The following RBFOX1 variants were observed in gnomAD, a reference collection of about 807,000 sequenced individuals.
RBFOX1 encodes RNA binding protein fox-1 homolog 1.
A neutral mutation model predicts 57.7 loss-of-function variants in RBFOX1; 8 were observed. The ratio of observed to expected loss-of-function variants is 0.14; its 90% CI spans 0.08 to 0.25. RBFOX1 has a LOEUF of 0.25. RBFOX1 is among the 10% of genes least tolerant of loss of function. RBFOX1 has a pLI of 1.00. For synonymous variants in RBFOX1, 326 were observed against 222.4 expected (o/e 1.47, Z -4.15); for missense variants, 611 against 548.5 (o/e 1.11, Z -1.14).
At chr16:7,635,449 TGTG>T (rs1280756395) in intron 11 of RBFOX1, among the ~76,000 whole-genome samples, 6 of 152,192 alleles carry the variant, frequency 3.9e-5, no homozygotes, top group Non-Finnish European at 8.8e-5. Context: ...ATTGTAATAA[TGTG>T]GGAATAATAT....
intron 2 of RBFOX1, among the ~76,000 whole-genome samples, chr16:5,551,234 C>T (rs1300587778): frequency 6.6e-6 from 1 of 152,200 alleles, no homozygotes. Flanking sequence ...CTTCCCCATC[C>T]TCCCAGGCTG....
intron 3 of RBFOX1, among the ~76,000 whole-genome samples, chr16:6,760,488 A>G (rs973745091): frequency 6.6e-6 from 1 of 152,250 alleles, no homozygotes; most frequent in African/African-American, 2.4e-5. Context: ...TACCAAGGAT[A>G]CCAGCAATCA....
chr16:7,125,424 G>A (rs2068255315), intron 4 of RBFOX1, among the ~76,000 whole-genome samples: 1 of 152,176 alleles, frequency 6.6e-6, no homozygotes, highest in African/African-American at 2.4e-5. Context: ...GTATCCACAA[G>A]AAGTCATGTT....
Position 6,633,766 on chromosome 16 carries a change from T to TG in RBFOX1, c.-63-20834dup, listed in dbSNP as rs574862531. Reference sequence around the variant, plus strand: ...GCTCATGCCTGTAATCCTTAGGCTTTGGGAGGCTGAGGCAGGAAGATCACT... The same window carrying TG: ...GCTCATGCCTGTAATCCTTAGGCTTTGGGGAGGCTGAGGCAGGAAGATCACT... On this transcript the variant is annotated intron_variant, in intron 2 of 15. Coordinates refer to ENST00000550418, the MANE Select transcript of RBFOX1 (RefSeq NM_018723.4). 2.6e-5 allele frequency among the ~76,000 whole-genome samples: 4 copies of TG among 152,230 alleles called. No homozygotes were observed. In the South Asian group the frequency reaches 8.3e-4, roughly 32 times the overall value.
chr16:7,057,547 C>T (rs747782466), intron 4 of RBFOX1, among the ~76,000 whole-genome samples: 1 of 152,182 alleles, frequency 6.6e-6, no homozygotes, highest in African/African-American at 2.4e-5. Flanking sequence ...ATCCTCGTTA[C>T]AAATTCCTGG....
intron 3 of RBFOX1, among the ~76,000 whole-genome samples, chr16:5,754,281 G>A (rs1242208302): frequency 6.6e-6 from 1 of 152,272 alleles, no homozygotes; most frequent in Non-Finnish European, 1.5e-5. Flanking sequence ...GATTAATTGT[G>A]TTAATCTATG....
intron 10 of RBFOX1, among the ~76,000 whole-genome samples, chr16:7,627,697 C>T (rs1235714422): frequency 1.3e-5 from 2 of 152,102 alleles, no homozygotes; most frequent in African/African-American, 4.8e-5. Flanking sequence ...ACTTACCTTT[C>T]CCTGCCCAAA....
chr16:7,173,981 G>A (rs550505320), intron 4 of RBFOX1, among the ~76,000 whole-genome samples: 4 of 152,172 alleles, frequency 2.6e-5, no homozygotes, highest in African/African-American at 7.2e-5. Flanking sequence ...GGTCTTCCAA[G>A]AAAGAGTTCA....
chr16:6,912,611 G>A (rs888926870), intron 3 of RBFOX1, among the ~76,000 whole-genome samples: 1 of 124,072 alleles, frequency 8.1e-6, no homozygotes, highest in Non-Finnish European at 1.7e-5. Flanking sequence ...TCTTGTGTGT[G>A]TGTGTTATTA....
intron 4 of RBFOX1, among the ~76,000 whole-genome samples, chr16:5,963,990 G>C (rs892562252): frequency 6.6e-6 from 1 of 152,110 alleles, no homozygotes; most frequent in Non-Finnish European, 1.5e-5. Flanking sequence ...GAAAATATTT[G>C]CAAATCACAT....
chr16:7,582,508 C>T (rs553734964), intron 6 of RBFOX1, among the ~76,000 whole-genome samples: 8 of 152,106 alleles, frequency 5.3e-5, no homozygotes, highest in Admixed American at 2.0e-4. Context: ...TGCCAAACAC[C>T]GGTGGTCATG....
chr16:7,422,259 A>G (rs535989725), intron 4 of RBFOX1, among the ~76,000 whole-genome samples: 18 of 152,254 alleles, frequency 1.2e-4, no homozygotes, highest in African/African-American at 3.4e-4. Context: ...AAACAGCCCT[A>G]TTGTTTTAGA....
intron 2 of RBFOX1, among the ~76,000 whole-genome samples, chr16:6,420,138 C>T (rs546882304): frequency 1.4e-4 from 21 of 152,244 alleles, no homozygotes; most frequent in African/African-American, 4.3e-4. Context: ...CCTTTTCTCC[C>T]GTTGTCTTGC....
intron 3 of RBFOX1, among the ~76,000 whole-genome samples, chr16:5,658,266 C>G (rs992223735): frequency 6.6e-6 from 1 of 152,140 alleles, no homozygotes; most frequent in East Asian, 1.9e-4. Flanking sequence ...GACCCCAAGA[C>G]TGGAGACATC....
At chr16:7,112,329 A>T (rs1478694) in intron 4 of RBFOX1, among the ~76,000 whole-genome samples, 78,477 of 151,278 alleles carry the variant, frequency 0.52, 21,037 homozygotes, top group South Asian at 0.69. Context: ...CAGACTCCAA[A>T]GTATCTGGGA....
chr16:5,374,819 T>A (rs936819766), intron 1 of RBFOX1, among the ~76,000 whole-genome samples: 3 of 151,720 alleles, frequency 2.0e-5, no homozygotes, highest in African/African-American at 7.3e-5. Flanking sequence ...ATGAATGAAG[T>A]TTTGAATTCT....
chr16:7,371,577 C>G (rs1226804645), intron 4 of RBFOX1, among the ~76,000 whole-genome samples: 1 of 152,094 alleles, frequency 6.6e-6, no homozygotes, highest in Non-Finnish European at 1.5e-5. Flanking sequence ...TGGTGAAACC[C>G]TGTCTCTACT....
At chr16:6,762,838 T>C (rs1056643627) in intron 3 of RBFOX1, among the ~76,000 whole-genome samples, 3 of 152,120 alleles carry the variant, frequency 2.0e-5, no homozygotes, top group South Asian at 4.1e-4. Flanking sequence ...ACCAGAGTCA[T>C]AGTGGCTCTC....
intron 4 of RBFOX1, among the ~76,000 whole-genome samples, chr16:7,231,781 A>G (rs28485949): frequency 6.5e-4 from 99 of 152,330 alleles, no homozygotes; most frequent in African/African-American, 2.2e-3. Context: ...ACACTGTGGT[A>G]AGTAAAAGAA....
Sources: allele counts gnomAD v4.1 joint callset (sites outside exome capture counted in the v4.1 genomes callset), GRCh38; gene constraint gnomAD v4.1.1; transcripts MANE v1.5; gene names NCBI Gene and HGNC (gene_info 2026-07-23, HGNC 2026-07-21).